The following CNTN5 variants were observed in gnomAD, a reference collection of about 807,000 sequenced individuals.
CNTN5 encodes contactin-5.
In CNTN5, 77 loss-of-function variants were observed where a neutral mutation model predicts 129.1. That is an observed-to-expected ratio of 0.60 (90% CI 0.50 to 0.72). The LOEUF is 0.72. CNTN5 is among the 30% of genes least tolerant of loss of function. CNTN5 has a pLI of 0.00. For synonymous variants in CNTN5, 509 were observed against 465.6 expected, an observed-to-expected ratio of 1.09 and a Z score of -1.20; for missense variants, 1,478 against 1,328.8, an observed-to-expected ratio of 1.11 and a Z score of -1.75.
At chr11:99,084,095 A>G (rs1413037656) in intron 1 of CNTN5, among the ~76,000 whole-genome samples, 1 of 152,174 alleles carries the variant, frequency 6.6e-6, no homozygotes, top group African/African-American at 2.4e-5. Context: ...TCTTCTCCCC[A>G]CCAACTACGT....
At chr11:99,500,881 T>G (rs1241550401) in intron 2 of CNTN5, among the ~76,000 whole-genome samples, 1 of 152,192 alleles carries the variant, frequency 6.6e-6, no homozygotes, top group Non-Finnish European at 1.5e-5. Flanking sequence ...TCTTCCAAAA[T>G]GTTTCAAAAA....
rs540408268 is a variant in CNTN5, at chr11:99,219,185, A to C, written c.-209-106161A>C. Among the ~76,000 whole-genome samples the C allele has an allele frequency of 2.0e-5, 3 of 152,142 alleles. No homozygotes were observed. In the South Asian group the frequency reaches 6.2e-4, roughly 32 times the overall value. ...AGGCATTTGGGATACAATAATGAAC[A>C]GATAAGTGGGCCCTTCAGAGCTTAC... On this transcript the variant is annotated intron_variant, in intron 1 of 24. Coordinates refer to ENST00000524871, the MANE Select transcript of CNTN5 (RefSeq NM_014361.4).
chr11:100,074,063 A>G, intron 12 of CNTN5, 81 bp from the exon 13 acceptor site: 1 of 1,327,006 alleles, frequency 7.5e-7, no homozygotes, highest in South Asian at 1.4e-5. Flanking sequence ...CAGAAGAAAA[A>G]GTTACAAGAT....
chr11:99,273,589 T>C (rs1167686319), intron 1 of CNTN5, among the ~76,000 whole-genome samples: 1 of 151,726 alleles, frequency 6.6e-6, no homozygotes, highest in East Asian at 1.9e-4. Context: ...GCTGTAAAAA[T>C]ATATTGTTCC....
At chr11:99,317,844 A>T (rs527713083) in intron 1 of CNTN5, among the ~76,000 whole-genome samples, 10 of 152,296 alleles carry the variant, frequency 6.6e-5, no homozygotes, top group African/African-American at 2.4e-4. Context: ...GAAAACTTCT[A>T]TAAATAGTTC....
In CNTN5 at chr11:99,889,321, TGTGTGTGTG is replaced by T. The variant is rs767806995; in HGVS notation, c.578-26732_578-26724del. On this transcript the variant is annotated intron_variant, in intron 6 of 24. Coordinates refer to ENST00000524871, the MANE Select transcript of CNTN5 (RefSeq NM_014361.4). The stretch of plus-strand genomic sequence containing the variant: ...GTGTGTGTGTGTGTGTGTGTGTGTG[TGTGTGTGTG>T]TGTGTGTGTGTGTGTGTGTGTGTGT... 1.2e-4 allele frequency among the ~76,000 whole-genome samples: 18 copies of T among 144,886 alleles called. 1 individual carries two copies. In the East Asian group the frequency reaches 1.7e-3, roughly 13 times the overall value.
At chr11:99,540,857 A>G (rs1005208404) in intron 2 of CNTN5, among the ~76,000 whole-genome samples, 2 of 152,194 alleles carry the variant, frequency 1.3e-5, no homozygotes, top group African/African-American at 4.8e-5. Flanking sequence ...AAAATATTAG[A>G]TAAGTCTACG....
At chr11:99,996,100 C>T (rs1325951241) in intron 8 of CNTN5, among the ~76,000 whole-genome samples, 1 of 152,108 alleles carries the variant, frequency 6.6e-6, no homozygotes, top group Non-Finnish European at 1.5e-5. Context: ...TGCCAAATTC[C>T]CCAAGCTGCA....
Position 99,151,046 on chromosome 11 carries a change from C to T in CNTN5, c.-210+129776C>T, listed in dbSNP as rs140731954. Among the ~76,000 whole-genome samples the T allele has an allele frequency of 4.1e-3, 627 of 152,100 alleles. 4 individuals carry two copies. Among genetic ancestry groups the T allele is most frequent in the Admixed American group, 6.8e-3 (104 of 15,272 alleles). On this transcript the variant is annotated intron_variant, in intron 1 of 24. Transcript: ENST00000524871. ...GGATGGATATTTTTCCCTCAGAAAACGGGATCAGGGTTCAATGACAAAAAT... is the reference window on the plus strand; with the variant it reads ...GGATGGATATTTTTCCCTCAGAAAATGGGATCAGGGTTCAATGACAAAAAT...
At chr11:100,346,839 G>A (rs1019813243) in intron 23 of CNTN5, among the ~76,000 whole-genome samples, 2 of 152,124 alleles carry the variant, frequency 1.3e-5, no homozygotes, top group Non-Finnish European at 2.9e-5. Context: ...AAAAGAAAGA[G>A]TTTTAATGGA....
At chr11:100,251,721 C>T (rs766376013) in intron 16 of CNTN5, among the ~76,000 whole-genome samples, 32 of 152,078 alleles carry the variant, frequency 2.1e-4, no homozygotes, top group Non-Finnish European at 4.4e-4. Context: ...TCCTCCATTT[C>T]CATCCATGTT....
rs201032725 is a variant in CNTN5, at chr11:100,021,661, GATGTATGT to G, written c.980+19528_980+19535del. Reference sequence around the variant, plus strand: ...TCTCTTTGAGGGACAGAACTAATAGGATGTATGTATATATGAAAGAGTGTTTATTAAGC... The same window carrying G: ...TCTCTTTGAGGGACAGAACTAATAGGATATATGAAAGAGTGTTTATTAAGC... On this transcript the variant is annotated intron_variant, in intron 9 of 24. Coordinates refer to ENST00000524871, the MANE Select transcript of CNTN5 (RefSeq NM_014361.4). 8.2e-3 allele frequency among the ~76,000 whole-genome samples: 1,245 copies of G among 152,214 alleles called. 17 individuals carry two copies. Among genetic ancestry groups the G allele is most frequent in the African/African-American group, 0.028 (1,180 of 41,556 alleles).
intron 6 of CNTN5, among the ~76,000 whole-genome samples, chr11:99,891,830 C>T (rs914697497): frequency 3.3e-5 from 5 of 152,074 alleles, no homozygotes; most frequent in Admixed American, 6.6e-5. Context: ...ATTTATAATC[C>T]TCTGGGTATA....
intron 3 of CNTN5, among the ~76,000 whole-genome samples, chr11:99,799,929 T>C (rs1946062382): frequency 6.6e-6 from 1 of 152,114 alleles, no homozygotes; most frequent in African/African-American, 2.4e-5. Context: ...CAGAAATTGA[T>C]ATTAGTCTGT....
chr11:100,319,739 T>C (rs1392638714), intron 21 of CNTN5, among the ~76,000 whole-genome samples: 1 of 152,144 alleles, frequency 6.6e-6, no homozygotes, highest in Admixed American at 6.5e-5. Context: ...ATAAACACCA[T>C]TTTGCTCTCC....
chr11:99,750,516 A>G (rs923979624), intron 3 of CNTN5, among the ~76,000 whole-genome samples: 3 of 151,280 alleles, frequency 2.0e-5, no homozygotes, highest in African/African-American at 4.9e-5. Flanking sequence ...GTTCCTTTCT[A>G]TCTGAGAGCT....
At chr11:100,162,645 C>A (rs1438275136) in intron 13 of CNTN5, among the ~76,000 whole-genome samples, 1 of 151,626 alleles carries the variant, frequency 6.6e-6, no homozygotes. Flanking sequence ...TTATCACTAC[C>A]CCATAAAAAG....
chr11:99,889,333 TGTG>T (rs1948993448), intron 6 of CNTN5, among the ~76,000 whole-genome samples: 9 of 61,568 alleles, frequency 1.5e-4, no homozygotes, highest in Admixed American at 4.4e-4. Context: ...TGTGTGTGTG[TGTG>T]TGTGTGTGTG....
chr11:100,075,359 G>T (rs912237094), intron 13 of CNTN5, among the ~76,000 whole-genome samples: 1 of 152,004 alleles, frequency 6.6e-6, no homozygotes, highest in Non-Finnish European at 1.5e-5. Flanking sequence ...GTCGTCGTTG[G>T]CACTCTTACA....
Sources: gnomAD v4.1 joint callset for allele counts (sites outside exome capture counted in the v4.1 genomes callset) on GRCh38, gnomAD v4.1.1 for gene constraint, MANE v1.5 for transcripts, NCBI Gene and HGNC (gene_info 2026-07-23, HGNC 2026-07-21) for gene names.